The following STK39 variants were observed in gnomAD, a reference collection of about 807,000 sequenced individuals.
STK39 encodes STE20/SPS1-related proline-alanine-rich protein kinase.
In STK39, 20 loss-of-function variants were observed where a neutral mutation model predicts 77.8. That is an observed-to-expected ratio of 0.26 (90% CI 0.18 to 0.37). The LOEUF is 0.37. STK39 is among the 10% of genes least tolerant of loss of function. The pLI is 1.00. For synonymous variants in STK39, 246 were observed against 234.1 expected (o/e 1.05, Z -0.47); for missense variants, 479 against 656.5 (o/e 0.73, Z 2.95).
At chr2:168,120,941 G>A (rs1687389548) in intron 10 of STK39, among the ~76,000 whole-genome samples, 1 of 151,980 alleles carries the variant, frequency 6.6e-6, no homozygotes, top group South Asian at 2.1e-4. Context: ...CCAGATTCCT[G>A]CAATGATGCC....
intron 12 of STK39, among the ~76,000 whole-genome samples, chr2:168,066,048 AC>A (rs1313792604): frequency 6.6e-6 from 1 of 152,144 alleles, no homozygotes; most frequent in Admixed American, 6.5e-5. Context: ...AACAAAAAAA[AC>A]CTCAAAGAGA....
intron 10 of STK39, among the ~76,000 whole-genome samples, chr2:168,092,926 T>G (rs534034760): frequency 6.6e-6 from 1 of 152,328 alleles, no homozygotes; most frequent in South Asian, 2.1e-4. Flanking sequence ...GTACGGAATC[T>G]TTCGCACACA....
chr2:167,992,957 T>C (rs1683738330), intron 16 of STK39, among the ~76,000 whole-genome samples: 1 of 152,238 alleles, frequency 6.6e-6, no homozygotes, highest in Non-Finnish European at 1.5e-5. Flanking sequence ...ACCAATGACA[T>C]GCATGCACCA....
intron 10 of STK39, among the ~76,000 whole-genome samples, chr2:168,119,187 C>T (rs183340174): frequency 1.3e-5 from 2 of 152,274 alleles, no homozygotes; most frequent in African/African-American, 4.8e-5. Flanking sequence ...CATGTGCACT[C>T]AGGCCGATGT....
intron 7 of STK39, among the ~76,000 whole-genome samples, chr2:168,139,464 T>C (rs1293030213): frequency 4.0e-5 from 6 of 150,030 alleles, no homozygotes; most frequent in Admixed American, 3.3e-4. Flanking sequence ...TTAGTAGAGA[T>C]TGTCTGGTTG....
At chr2:168,006,670 A>C (rs918908225) in intron 16 of STK39, among the ~76,000 whole-genome samples, 2 of 152,194 alleles carry the variant, frequency 1.3e-5, no homozygotes, top group Non-Finnish European at 2.9e-5. Flanking sequence ...TTCATCTTGC[A>C]AACTTTTTTA....
At chr2:168,062,255 G>A (rs908526441) in intron 14 of STK39, among the ~76,000 whole-genome samples, 8 of 152,264 alleles carry the variant, frequency 5.3e-5, no homozygotes, top group Non-Finnish European at 7.4e-5. Flanking sequence ...AGCTCCTGGC[G>A]CAGAGTGGGC....
chr2:168,144,076 T>C (rs1268217231), intron 5 of STK39, among the ~76,000 whole-genome samples: 2 of 152,222 alleles, frequency 1.3e-5, no homozygotes, highest in Non-Finnish European at 2.9e-5. Context: ...GGTCATGGTC[T>C]AGTTTTGATG....
intron 5 of STK39, among the ~76,000 whole-genome samples, chr2:168,153,646 G>T (rs971689988): frequency 4.7e-5 from 7 of 150,346 alleles, no homozygotes; most frequent in South Asian, 2.1e-4. Context: ...GGGTGGGGGG[G>T]GGTTACAATA....
chr2:168,131,264 A>G (rs939784892), intron 8 of STK39, among the ~76,000 whole-genome samples: 3 of 152,218 alleles, frequency 2.0e-5, no homozygotes, highest in Admixed American at 6.5e-5. Flanking sequence ...CATCTTTTCC[A>G]TATGTTTTAA....
chr2:168,200,209 T>C (rs1014217216), intron 1 of STK39, among the ~76,000 whole-genome samples: 4 of 152,190 alleles, frequency 2.6e-5, no homozygotes, highest in African/African-American at 9.7e-5. Flanking sequence ...TGGGAAAGGC[T>C]ACAAGTGATT....
intron 10 of STK39, among the ~76,000 whole-genome samples, chr2:168,101,405 T>C (rs1686820804): frequency 6.6e-6 from 1 of 152,186 alleles, no homozygotes; most frequent in Non-Finnish European, 1.5e-5. Flanking sequence ...GGTATACTAC[T>C]TACTGCACTA....
chr2:168,165,143 T>A (rs973868864), intron 3 of STK39, among the ~76,000 whole-genome samples: 1 of 152,248 alleles, frequency 6.6e-6, no homozygotes, highest in Admixed American at 6.5e-5. Flanking sequence ...AAACATTTTC[T>A]TTTTATTGTA....
At chr2:168,071,610 A>G (rs4668013) in intron 12 of STK39, among the ~76,000 whole-genome samples, 148,556 of 152,222 alleles carry the variant, frequency 0.98, 72,593 homozygotes, top group East Asian at 1. Flanking sequence ...GGCCGGGCAC[A>G]GTGGCTCACG....
intron 14 of STK39, among the ~76,000 whole-genome samples, chr2:168,062,854 A>T (rs544763758): frequency 6.6e-6 from 1 of 152,356 alleles, no homozygotes; most frequent in South Asian, 2.1e-4. Flanking sequence ...AATTCAGTTT[A>T]AACAGTTTTG....
chr2:168,015,868 A>G (rs757163556), intron 15 of STK39, among the ~76,000 whole-genome samples: 31 of 152,178 alleles, frequency 2.0e-4, no homozygotes, highest in Non-Finnish European at 3.8e-4. Context: ...AACCAACTCT[A>G]AATTGTCAAA....
intron 1 of STK39, among the ~76,000 whole-genome samples, chr2:168,234,109 A>G (rs985531721): frequency 2.0e-5 from 3 of 152,254 alleles, no homozygotes; most frequent in African/African-American, 7.2e-5. Flanking sequence ...TCCTTTTTGT[A>G]CTAAGTCAGT....
chr2:168,072,725 T>C (rs1685972935), intron 12 of STK39, among the ~76,000 whole-genome samples: 2 of 152,218 alleles, frequency 1.3e-5, no homozygotes, highest in Admixed American at 6.5e-5. Flanking sequence ...ATAAAATACT[T>C]CATGCTTTGC....
At chr2:168,152,780 C>T (rs138509223) in intron 5 of STK39, among the ~76,000 whole-genome samples, 1 of 152,150 alleles carries the variant, frequency 6.6e-6, no homozygotes, top group Non-Finnish European at 1.5e-5. Context: ...CTAAAGTCAG[C>T]GAGGGCTCCT....
Sources: allele counts gnomAD v4.1 joint callset (sites outside exome capture counted in the v4.1 genomes callset), GRCh38; gene constraint gnomAD v4.1.1; transcripts MANE v1.5; gene names NCBI Gene and HGNC (gene_info 2026-07-23, HGNC 2026-07-21).